Variants in SLC25A25 observed in about 807,000 individuals in gnomAD.
SLC25A25 encodes mitochondrial adenyl nucleotide antiporter SLC25A25.
SLC25A25 carries 32 observed loss-of-function variants against 57.7 expected under a neutral mutation model. The observed-to-expected ratio is 0.55, with a 90% CI of 0.42 to 0.74. The LOEUF (loss-of-function observed/expected upper bound fraction) is 0.74. Among genes scored for constraint, SLC25A25 ranks in the 30% least tolerant of loss-of-function variants. SLC25A25 has a pLI of 0.00. For synonymous variants in SLC25A25, 306 were observed against 291.2 expected, an observed-to-expected ratio of 1.05 and a Z score of -0.52; for missense variants, 556 against 701.3, an observed-to-expected ratio of 0.79 and a Z score of 2.34.
At position 128,102,862 on chromosome 9, in the gene SLC25A25, G is replaced by A. The variant is rs1266522513; in HGVS notation, c.624+381G>A. ...GCTGGGGCAGAAGCTACTCTACAGA[G>A]AACACCTAGGCAGAGCTGTGAGGTG... On this transcript the variant is annotated intron_variant, in intron 5 of 10. Transcript: ENST00000373069. The surrounding 1 kb of genome is among the most constrained non-coding windows in gnomAD (Gnocchi z 4.1). Among the ~76,000 whole-genome samples the A allele has an allele frequency of 6.6e-6, 1 of 152,202 alleles. No homozygotes were observed. Among genetic ancestry groups the A allele is most frequent in the Admixed American group, 6.5e-5 (1 of 15,284 alleles).
intron 1 of SLC25A25, among the ~76,000 whole-genome samples, chr9:128,079,953 T>A (rs958754051): frequency 2.6e-5 from 4 of 151,026 alleles, no homozygotes; most frequent in Non-Finnish European, 5.9e-5. Flanking sequence ...ATCGTGCCAC[T>A]GCTCTCCAGC....
rs2130830101 is a variant in SLC25A25, at chr9:128,107,054, A to G, written c.1238A>G (p.His413Arg). The G allele has an allele frequency of 6.2e-7, 1 of 1,614,124 alleles. No individual in the cohort carries two copies. The highest frequency in any genetic ancestry group is 8.5e-7 in the Non-Finnish European group (1 of 1,180,008). Residue 413 changes from histidine to arginine, a missense_variant, in exon 10 of 11, where the codon CAC becomes CGC. Coordinates refer to ENST00000373069, the MANE Select transcript of SLC25A25 (RefSeq NM_001330988.2). ...ACGCTCAAGAATGCCTGGCTGCAGC[A>G]CTATGCAGTGAACAGCGCGGACCCC... The part of the protein sequence containing the change: ...YETLKNAWLQ[H>R]YAVNSADPGV...
rs554406399 is a variant in SLC25A25 at position 128,107,331 on chromosome 9, T to C, written c.1435T>C (p.Phe479Leu). ...ACATATCCTGCGGACCGAGGGGGCCTTCGGGCTGTACAGGGGGCTGGCCCC... is the reference window on the plus strand; with the variant it reads ...ACATATCCTGCGGACCGAGGGGGCCCTCGGGCTGTACAGGGGGCTGGCCCC... ...FKHILRTEGA[F>L]GLYRGLAPNF... Residue 479 changes from phenylalanine (F) to leucine (L), a missense_variant, in exon 11 of 11, where the codon TTC becomes CTC. Physicochemically the swap from Phe to Leu is conservative, Grantham distance 22. Transcript: ENST00000373069. The C allele has an allele frequency of 1.5e-5, 23 of 1,546,212 alleles. No individual in the cohort carries two copies. Among genetic ancestry groups the C allele is most frequent in the Non-Finnish European group, 2.6e-6 (3 of 1,142,054 alleles).
chr9:128,087,234 G>A lies in SLC25A25; in HGVS notation c.262-13862G>A, dbSNP rs529480124. Among the ~76,000 whole-genome samples, 21 of 152,088 alleles carry A rather than the reference G, an allele frequency of 1.4e-4. No individual in the cohort carries two copies. In the South Asian group the frequency reaches 3.5e-3, roughly 26 times the overall value. ...ATTACAGGCGTGAGCCACCGCGCCC[G>A]GCCCCCAGTCATTCTTTTATTTTAT... is the stretch of plus-strand genomic sequence containing the variant. On this transcript the variant is annotated intron_variant, in intron 1 of 10. Coordinates refer to ENST00000373069, the MANE Select transcript of SLC25A25 (RefSeq NM_001330988.2).
At position 128,087,060 on chromosome 9, in the gene SLC25A25, C is replaced by T. The variant is rs191489093; in HGVS notation, c.262-14036C>T. 6.6e-5 allele frequency among the ~76,000 whole-genome samples: 10 copies of T among 151,380 alleles called. No individual in the cohort carries two copies. In the East Asian group the frequency reaches 2.0e-3, roughly 31 times the overall value. On this transcript the variant is annotated intron_variant, in intron 1 of 10. Coordinates refer to ENST00000373069, the MANE Select transcript of SLC25A25 (RefSeq NM_001330988.2). The stretch of plus-strand genomic sequence containing the variant: ...TGAAACCCCATCTCTACTAAAAATA[C>T]AAAAATTAGCTGGGTATGGTGGCGG...
Position 128,102,209 on chromosome 9 carries a change from T to C in SLC25A25, c.512+94T>C, listed in dbSNP as rs1833828649. 1.3e-6 allele frequency: 2 copies of C among 1,500,246 alleles called. No homozygotes were observed. Among genetic ancestry groups the C allele is most frequent in the Non-Finnish European group, 1.8e-6 (2 of 1,100,758 alleles). 92.9% of individuals were successfully genotyped at this position (1,500,246 alleles called of 1,614,324 possible). On this transcript the variant is annotated intron_variant, in intron 4 of 10. Coordinates refer to ENST00000373069, the MANE Select transcript of SLC25A25 (RefSeq NM_001330988.2). The surrounding 1 kb of genome is among the most constrained non-coding windows in gnomAD (Gnocchi z 4.1). ...GGCCATTATATTGCCATTGTTGTGCTAAGTGGGGTGTGGAGCCCCCTGCTC... is the reference window on the plus strand; with the variant it reads ...GGCCATTATATTGCCATTGTTGTGCCAAGTGGGGTGTGGAGCCCCCTGCTC...
At chr9:128,077,918 C>T (rs1016142094) in intron 1 of SLC25A25, among the ~76,000 whole-genome samples, 1 of 151,432 alleles carries the variant, frequency 6.6e-6, no homozygotes, top group Non-Finnish European at 1.5e-5. Context: ...CCCAGCTACT[C>T]GGGAGGCTGA....
Position 128,102,102 on chromosome 9 carries a change from G to C in SLC25A25, c.499G>C (p.Gly167Arg). Residue 167 changes from glycine (G) to arginine (R), a missense_variant, in exon 4 of 11, where the codon GGC (glycine) becomes CGC (arginine). Around this residue, in one of 3 missense-constraint regions of SLC25A25, gnomAD observed 248 missense variants for 273.5 expected, o/e 0.91. Coordinates refer to ENST00000373069, the MANE Select transcript of SLC25A25 (RefSeq NM_001330988.2). This position sits in a 1 kb window ranked among gnomAD's most constrained non-coding sequence, Gnocchi z 4.1. ...LKRIRTGHFW[G>R]PVTYMDKNGT... ...CAGAATACGAACGGGCCATTTCTGG[G>C]GCCCTGTCACCTAGTAAGTATCCAT... is the stretch of plus-strand genomic sequence containing the variant. 6.4e-7 allele frequency: 1 copy of C among 1,550,540 alleles called. No homozygotes were observed. Among genetic ancestry groups the C allele is most frequent in the Non-Finnish European group, 8.7e-7 (1 of 1,146,984 alleles).
chr9:128,091,885 G>A, intron 1 of SLC25A25: 1 of 1,610,710 alleles, frequency 6.2e-7, no homozygotes, highest in Non-Finnish European at 8.5e-7. Context: ...TGCAGATGCT[G>A]TGGCATTTCC....
rs530049767 is a variant in SLC25A25, at chr9:128,102,166, C to T, written c.512+51C>T. On this transcript the variant is annotated intron_variant, in intron 4 of 10. Transcript: ENST00000373069. This position sits in a 1 kb window ranked among gnomAD's most constrained non-coding sequence, Gnocchi z 4.1. The stretch of plus-strand genomic sequence containing the variant: ...GCCTCCCTTGACTTCCATGCCTGAT[C>T]AGAGCGGGATTCTTGTGGGCCATTA... 1.3e-6 allele frequency: 2 copies of T among 1,546,148 alleles called. No homozygotes were observed. The highest frequency in any genetic ancestry group is 2.4e-5 in the East Asian group (1 of 40,898).
chr9:128,102,915 C>T lies in SLC25A25; in HGVS notation c.624+434C>T, dbSNP rs1281804992. ...CCCACGGTCACACATTTGCTGCCCT[C>T]TCGCCCCCGTCCACTGTGGTTTCAT... is the stretch of plus-strand genomic sequence containing the variant. On this transcript the variant is annotated intron_variant, in intron 5 of 10. Transcript: ENST00000373069. The surrounding 1 kb of genome is among the most constrained non-coding windows in gnomAD (Gnocchi z 4.1). Among the ~76,000 whole-genome samples the T allele has an allele frequency of 6.6e-6, 1 of 152,212 alleles. No individual in the cohort carries two copies. Among genetic ancestry groups the T allele is most frequent in the Non-Finnish European group, 1.5e-5 (1 of 68,036 alleles).
Position 128,103,311 on chromosome 9 carries a change from G to A in SLC25A25, c.625-370G>A, listed in dbSNP as rs891202284. ...TCTGGTTACACGTGAGATCTCAGAC[G>A]GCTCTCACCCCGGCCTGATCCCTTC... On this transcript the variant is annotated intron_variant, in intron 5 of 10. Coordinates refer to ENST00000373069, the MANE Select transcript of SLC25A25 (RefSeq NM_001330988.2). This position sits in a 1 kb window ranked among gnomAD's most constrained non-coding sequence, Gnocchi z 6.7. 2.0e-5 allele frequency among the ~76,000 whole-genome samples: 3 copies of A among 152,210 alleles called. 1 individual carries two copies. The highest frequency in any genetic ancestry group is 2.0e-4 in the Admixed American group (3 of 15,282).
chr9:128,093,868 G>T (rs1833483746), intron 1 of SLC25A25, among the ~76,000 whole-genome samples: 1 of 152,238 alleles, frequency 6.6e-6, no homozygotes. Context: ...GTTCACTTTA[G>T]GCCAGGCGCA....
chr9:128,091,831 AG>A (rs1424540029), intron 1 of SLC25A25: 1 of 1,571,326 alleles, frequency 6.4e-7, no homozygotes, highest in Admixed American at 1.8e-5. Flanking sequence ...ATCCCTCAAA[AG>A]TGAACAGTCG....
chr9:128,087,458 G>A (rs1833304043), intron 1 of SLC25A25, among the ~76,000 whole-genome samples: 1 of 152,026 alleles, frequency 6.6e-6, no homozygotes, highest in African/African-American at 2.4e-5. Flanking sequence ...GTATGTAATG[G>A]GTCTTGTTTT....
chr9:128,080,234 AAAAAAAAC>A (rs1833120124), intron 1 of SLC25A25, among the ~76,000 whole-genome samples: 1 of 75,866 alleles, frequency 1.3e-5, no homozygotes, highest in African/African-American at 3.6e-5. Flanking sequence ...CCATCTAAAA[AAAAAAAAC>A]AAAAAAACAA....
intron 1 of SLC25A25, among the ~76,000 whole-genome samples, chr9:128,072,087 A>G (rs1832920736): frequency 6.6e-6 from 1 of 152,158 alleles, no homozygotes; most frequent in South Asian, 2.1e-4. Flanking sequence ...GATCAGAAAT[A>G]ATTTATTAGC....
intron 1 of SLC25A25, among the ~76,000 whole-genome samples, chr9:128,082,064 CT>C (rs1833167965): frequency 6.6e-6 from 1 of 152,204 alleles, no homozygotes; most frequent in African/African-American, 2.4e-5. Flanking sequence ...AAAAAGACAT[CT>C]TTAATATGCA....
At chr9:128,085,933 T>A (rs1052097198) in intron 1 of SLC25A25, among the ~76,000 whole-genome samples, 4 of 151,864 alleles carry the variant, frequency 2.6e-5, no homozygotes, top group African/African-American at 9.7e-5. Flanking sequence ...CTTGAACTCC[T>A]GGCCTCAAGC....
Sources: allele counts gnomAD v4.1 joint callset (sites outside exome capture counted in the v4.1 genomes callset), GRCh38; gene constraint gnomAD v4.1.1; regional missense constraint gnomAD v4.1.1; non-coding constraint Gnocchi (gnomAD v3.1); transcripts MANE v1.5; gene names NCBI Gene and HGNC (gene_info 2026-07-23, HGNC 2026-07-21).